IFT122: variants seen among roughly 807,000 people sequenced by gnomAD.
IFT122 encodes intraflagellar transport 122.
IFT122 carries 118 observed loss-of-function variants against 161.6 expected under a neutral mutation model. The ratio of observed to expected loss-of-function variants is 0.73; its 90% CI spans 0.63 to 0.85. IFT122 has a LOEUF of 0.85. IFT122 is among the 40% of genes least tolerant of loss of function. The probability of loss-of-function intolerance (pLI) is 0.00; values close to 1 mark genes in which losing one functional copy is unlikely to be tolerated. For synonymous variants in IFT122, 550 were observed against 602.4 expected, an observed-to-expected ratio of 0.91 and a Z score of 1.27; for missense variants, 1,381 against 1,579.6, an observed-to-expected ratio of 0.87 and a Z score of 2.13.
intron 17 of IFT122, among the ~76,000 whole-genome samples, chr3:129,494,094 A>G (rs2080514860): frequency 6.6e-6 from 1 of 152,192 alleles, no homozygotes; most frequent in Non-Finnish European, 1.5e-5. Flanking sequence ...GAACCTGCCC[A>G]TGTTGACATG....
At chr3:129,475,918 T>A (rs1360018502) in intron 9 of IFT122, among the ~76,000 whole-genome samples, 2 of 152,204 alleles carry the variant, frequency 1.3e-5, no homozygotes. Flanking sequence ...AATACTTTTT[T>A]AAAAAGGCGG....
intron 1 of IFT122, 64 bp downstream of exon 1, chr3:129,440,435 C>T: frequency 6.5e-7 from 1 of 1,537,134 alleles, no homozygotes; most frequent in Non-Finnish European, 8.8e-7. Context: ...GCGCGAGCCG[C>T]TGCAGCGTGT....
intron 7 of IFT122, 82 bp downstream of exon 7, chr3:129,464,863 C>A: frequency 2.0e-6 from 3 of 1,474,658 alleles, no homozygotes; most frequent in Non-Finnish European, 2.8e-6. Flanking sequence ...TCCCTACATT[C>A]AAAGGCTTCT....
chr3:129,456,011 T>C, intron 3 of IFT122: 2 of 408,068 alleles, frequency 4.9e-6, no homozygotes, highest in South Asian at 3.4e-5. Context: ...TTAAAACTCA[T>C]GTTGTTCAGG....
intron 9 of IFT122, 77 bp downstream of exon 9, chr3:129,469,494 T>C (rs747578684): frequency 2.1e-5 from 24 of 1,133,328 alleles, no homozygotes; most frequent in Non-Finnish European, 3.2e-5. Context: ...TACTATTAAT[T>C]ATACATTATC....
chr3:129,482,104 C>T (rs2078726380), intron 14 of IFT122, among the ~76,000 whole-genome samples: 1 of 152,242 alleles, frequency 6.6e-6, no homozygotes, highest in African/African-American at 2.4e-5. Flanking sequence ...TCTATGCGCA[C>T]CTACAGCGTG....
At chr3:129,480,840 A>T (rs993058038) in intron 13 of IFT122, among the ~76,000 whole-genome samples, 1 of 152,178 alleles carries the variant, frequency 6.6e-6, no homozygotes, top group Non-Finnish European at 1.5e-5. Flanking sequence ...AACAGATATC[A>T]TCAGGGTTGG....
intron 19 of IFT122, 27 bp downstream of exon 19, chr3:129,500,095 G>T: frequency 6.2e-7 from 1 of 1,613,068 alleles, no homozygotes; most frequent in Non-Finnish European, 8.5e-7. Flanking sequence ...GCCCCGAGAA[G>T]CATTTGGCAG....
chr3:129,514,999 C>G (rs1409570959), intron 25 of IFT122: 2 of 363,592 alleles, frequency 5.5e-6, no homozygotes, highest in African/African-American at 4.2e-5. Context: ...CCTTCTTTCA[C>G]ACATCCTCCC....
At chr3:129,451,424 A>G (rs940807080) in intron 2 of IFT122, among the ~76,000 whole-genome samples, 4 of 152,144 alleles carry the variant, frequency 2.6e-5, no homozygotes, top group African/African-American at 9.7e-5. Flanking sequence ...TGCCTGGCCT[A>G]CAGTTGGGTT....
intron 18 of IFT122, among the ~76,000 whole-genome samples, 197 bp downstream of exon 18, chr3:129,495,804 C>T (rs1290636813): frequency 1.3e-5 from 2 of 152,238 alleles, no homozygotes; most frequent in Non-Finnish European, 2.9e-5. Context: ...ACCTTTAAGG[C>T]TGACACCAAG....
chr3:129,518,467 G>T (rs1385259276), intron 27 of IFT122, among the ~76,000 whole-genome samples: 4 of 152,196 alleles, frequency 2.6e-5, no homozygotes, highest in African/African-American at 9.7e-5. Flanking sequence ...ACCCCCAGGG[G>T]CCACACTGGG....
chr3:129,513,607 A>G (rs1241595980), intron 24 of IFT122: 1 of 156,868 alleles, frequency 6.4e-6, no homozygotes, highest in African/African-American at 2.4e-5. Context: ...TAGAACCTCT[A>G]CCCTGAGCCT....
chr3:129,502,726 C>T lies in IFT122; in HGVS notation c.2391C>T (p.Ala797=), dbSNP rs1559979963. ...CCCTCTCCAGGTTGATCGACATCGC[C>T]CGCAAACTGGACAAGGCTGAGCGCG... The part of the protein sequence containing the change: ...HGWVDMLIDI[A]RKLDKAEREP... The change falls in exon 20 of 30, where the codon GCC becomes GCT. Residue 797 remains alanine, a synonymous_variant. Transcript: ENST00000348417. 1 of 1,608,474 alleles carries T rather than the reference C, an allele frequency of 6.2e-7. No individual in the cohort carries two copies. The highest frequency in any genetic ancestry group is 1.3e-5 in the African/African-American group (1 of 74,940).
At chr3:129,516,977 CAG>C in intron 26 of IFT122, among the ~76,000 whole-genome samples, 1 of 130,364 alleles carries the variant, frequency 7.7e-6, no homozygotes. Context: ...CACACACACA[CAG>C]ACTGCCCCTG....
rs778660165 is a variant in IFT122 at position 129,507,669 on chromosome 3, T to A, written c.2793T>A (p.Asp931Glu). Residue 931 changes from aspartate to glutamate, a missense_variant and splice_region_variant, in exon 23 of 30, where the codon GAT becomes GAA. Coordinates refer to ENST00000348417, the MANE Select transcript of IFT122 (RefSeq NM_052989.3). ...LSMQCLDIAQ[D>E]PAQKDTMLGK... ...CCTCCCACCCGCTGCACACAGCAGA[T>A]CCTGCCCAGAAGGACACAATGCTTG... 4.3e-6 allele frequency: 7 copies of A among 1,613,952 alleles called. No homozygotes were observed. Among genetic ancestry groups the A allele is most frequent in the Middle Eastern group, 3.3e-4 (2 of 6,060 alleles).
intron 26 of IFT122, among the ~76,000 whole-genome samples, chr3:129,516,727 G>T (rs201027751): frequency 2.1e-5 from 1 of 48,076 alleles, no homozygotes; most frequent in African/African-American, 8.7e-5. Flanking sequence ...CACACACACA[G>T]AGAGACTGCC....
intron 17 of IFT122, among the ~76,000 whole-genome samples, chr3:129,493,246 A>G (rs1185704492): frequency 2.0e-5 from 3 of 152,358 alleles, no homozygotes; most frequent in Middle Eastern, 3.4e-3. Context: ...TTGAATTCCC[A>G]GTTGGAAACA....
intron 17 of IFT122, among the ~76,000 whole-genome samples, chr3:129,493,874 C>T (rs1178932973): frequency 6.6e-6 from 1 of 152,184 alleles, no homozygotes; most frequent in Admixed American, 6.5e-5. Context: ...GTCCTCTCCT[C>T]GTATGCTATG....
Sources: gnomAD v4.1 joint callset for allele counts (sites outside exome capture counted in the v4.1 genomes callset) on GRCh38, gnomAD v4.1.1 for gene constraint, MANE v1.5 for transcripts, NCBI Gene and HGNC (gene_info 2026-07-23, HGNC 2026-07-21) for gene names.